The following PARVG variants were observed in gnomAD, a reference collection of about 807,000 sequenced individuals.
The protein encoded by PARVG is gamma-parvin.
PARVG carries 36 observed loss-of-function variants against 44.4 expected under a neutral mutation model. The observed-to-expected ratio is 0.81, with a 90% CI of 0.62 to 1.07. PARVG has a LOEUF of 1.07. PARVG is among the 50% of genes least tolerant of loss of function. The pLI is 0.00. For synonymous variants in PARVG, 170 were observed against 174.1 expected, an observed-to-expected ratio of 0.98 and a Z score of 0.19; for missense variants, 407 against 407.4, an observed-to-expected ratio of 1.00 and a Z score of 0.01.
chr22:44,194,568 T>TATCCATCCCTCCATCC (rs2054592179), intron 9 of PARVG, among the ~76,000 whole-genome samples: 1 of 148,468 alleles, frequency 6.7e-6, no homozygotes, highest in African/African-American at 2.5e-5. Context: ...CCCATCCATT[T>TATCCATCCCTCCATCC]ATCCATCCCT....
chr22:44,203,114 G>A (rs1260229181), intron 12 of PARVG, among the ~76,000 whole-genome samples: 1 of 152,232 alleles, frequency 6.6e-6, no homozygotes, highest in Non-Finnish European at 1.5e-5. Context: ...GAGTGTCATT[G>A]AGGAAGAGTG....
intron 3 of PARVG, 58 bp from the exon 4 acceptor site, chr22:44,185,750 G>C: frequency 6.8e-7 from 1 of 1,465,120 alleles, no homozygotes; most frequent in Non-Finnish European, 9.5e-7. Context: ...CCTGCAGGGA[G>C]TGTGGCCAAG....
chr22:44,202,867 C>T (rs2054728322), intron 12 of PARVG, among the ~76,000 whole-genome samples: 1 of 152,190 alleles, frequency 6.6e-6, no homozygotes, highest in South Asian at 2.1e-4. Flanking sequence ...TCATTCGCTC[C>T]CAGAAATAAA....
chr22:44,205,488 C>T (rs528641026), intron 12 of PARVG, among the ~76,000 whole-genome samples: 6 of 152,352 alleles, frequency 3.9e-5, no homozygotes, highest in South Asian at 4.1e-4. Flanking sequence ...TGGACGCAAG[C>T]GTGTGCCCAG....
intron 1 of PARVG, among the ~76,000 whole-genome samples, chr22:44,174,562 A>C (rs6006690): frequency 0.031 from 4,731 of 150,962 alleles, 105 homozygotes; most frequent in Middle Eastern, 0.037. Flanking sequence ...AACAAACAAA[A>C]AAAAAAACCC....
rs769058495 is a variant in PARVG at position 44,206,366 on chromosome 22, G to C, written c.936G>C (p.Leu312=). 8 of 1,613,940 alleles carry C rather than the reference G, an allele frequency of 5.0e-6. No individual in the cohort carries two copies. The East Asian group carries it at 6.7e-5, about 13-fold the overall frequency. The change falls in exon 14 of 14, where the codon CTG becomes CTC. Residue 312 remains leucine (L), a synonymous_variant. Coordinates refer to ENST00000444313, the MANE Select transcript of PARVG (RefSeq NM_022141.7). ...AKSTLRVLYG[L]FCKHTQKAHR... ...GCACACTGAGGGTGCTCTATGGTCT[G>C]TTCTGCAAGCACACGCAGAAGGCAC...
intron 8 of PARVG, among the ~76,000 whole-genome samples, chr22:44,192,611 C>G (rs954181195): frequency 6.8e-6 from 1 of 147,944 alleles, no homozygotes; most frequent in East Asian, 2.0e-4. Flanking sequence ...CTGTTCCCTG[C>G]CCTCTGGGGA....
Position 44,190,673 on chromosome 22 carries a change from G to GC in PARVG, c.504+9dup, listed in dbSNP as rs772036237. On this transcript the variant is annotated splice_region_variant and intron_variant, in intron 7 of 13. Transcript: ENST00000444313. ...GGAGGTCATCACTATCGAGGTAGCA[G>GC]CCTGGGCCCCAGGGATTTGTAAGCA... 33 of 1,600,490 alleles carry GC rather than the reference G, an allele frequency of 2.1e-5. No homozygotes were observed. Among genetic ancestry groups the GC allele is most frequent in the Non-Finnish European group, 2.7e-5 (32 of 1,167,536 alleles).
chr22:44,204,214 T>C (rs2054748795), intron 12 of PARVG, among the ~76,000 whole-genome samples: 1 of 152,118 alleles, frequency 6.6e-6, no homozygotes, highest in Non-Finnish European at 1.5e-5. Flanking sequence ...GCCCATACAC[T>C]CCTTTCCATC....
chr22:44,175,433 C>T lies in PARVG; in HGVS notation c.-189+2242C>T, dbSNP rs150000007. Among the ~76,000 whole-genome samples, 601 of 152,378 alleles carry T rather than the reference C, an allele frequency of 3.9e-3. 4 individuals are homozygous for T. Among genetic ancestry groups the T allele is most frequent in the African/African-American group, 0.013 (550 of 41,602 alleles). On this transcript the variant is annotated intron_variant, in intron 1 of 13. Coordinates refer to the PARVG transcript ENST00000422871. ...CAGGAATCCCCGGCCACCGCAGGGACGGGCATCTCTGTTCCTTCCGCAAGG... is the reference window on the plus strand; with the variant it reads ...CAGGAATCCCCGGCCACCGCAGGGATGGGCATCTCTGTTCCTTCCGCAAGG...
Position 44,183,651 on chromosome 22 carries a change from C to T in PARVG, c.79+243C>T, listed in dbSNP as rs1451229261. 5.4e-5 allele frequency: 25 copies of T among 467,166 alleles called. No homozygotes were observed. In the East Asian group the frequency reaches 8.8e-4, roughly 16 times the overall value. The allele number at this position is 467,166 out of a possible 1,614,324, so 28.9% of individuals were successfully genotyped here. ...GGATTACGATGGTGAATACTGATTG[C>T]TCTCATCCTGTGAGCCTTCTGAGTG... is the stretch of plus-strand genomic sequence containing the variant. On this transcript the variant is annotated intron_variant, in intron 3 of 13. Coordinates refer to ENST00000444313, the MANE Select transcript of PARVG (RefSeq NM_022141.7).
chr22:44,181,354 T>G (rs2054373296), intron 1 of PARVG, 169 bp downstream of exon 1: 1 of 985,436 alleles, frequency 1.0e-6, no homozygotes, highest in Non-Finnish European at 1.2e-6. Flanking sequence ...TGGGGAAGTC[T>G]GCAGCCGAGA....
chr22:44,192,170 G>A, intron 8 of PARVG, 66 bp downstream of exon 8: 2 of 1,565,000 alleles, frequency 1.3e-6, no homozygotes, highest in Non-Finnish European at 1.7e-6. Flanking sequence ...GGCAGGGTGG[G>A]GGCCAGGGCA....
At chr22:44,184,501 G>C (rs939860646) in intron 3 of PARVG, 1 of 152,140 alleles carries the variant, frequency 6.6e-6, no homozygotes, top group Admixed American at 6.5e-5. Flanking sequence ...ACCACACCTG[G>C]CTAATTTTTG....
At chr22:44,173,153 G>C in exon 1 of PARVG, 1 of 1,284,150 alleles carries the variant, frequency 7.8e-7, no homozygotes, top group Non-Finnish European at 1.0e-6. Flanking sequence ...CTTCTGCTGG[G>C]ACCACAAGGA....
chr22:44,205,439 T>A (rs529300112), intron 12 of PARVG, among the ~76,000 whole-genome samples: 67 of 152,338 alleles, frequency 4.4e-4, no homozygotes, highest in African/African-American at 1.6e-3. Flanking sequence ...CTATTGGGTA[T>A]CCTCCTTGGC....
chr22:44,173,206 C>T (rs1382180578), intron 1 of PARVG: 2 of 1,232,846 alleles, frequency 1.6e-6, no homozygotes, highest in Admixed American at 5.6e-5. Flanking sequence ...GTAATAAAGG[C>T]TCATCTGCCC....
chr22:44,206,388 G>T lies in PARVG; in HGVS notation c.958G>T (p.Ala320Ser), dbSNP rs2054782053. ...YGLFCKHTQK[A>S]HRDRTPHGAP... ...TCTGTTCTGCAAGCACACGCAGAAG[G>T]CACACAGGGACAGGACGCCCCATGG... Residue 320 changes from alanine (A) to serine (S), a missense_variant, in exon 14 of 14, where the codon GCA (alanine) becomes TCA (serine). Coordinates refer to ENST00000444313, the MANE Select transcript of PARVG (RefSeq NM_022141.7). 1.2e-6 allele frequency: 2 copies of T among 1,613,926 alleles called. No individual in the cohort carries two copies. Among genetic ancestry groups the T allele is most frequent in the African/African-American group, 2.7e-5 (2 of 74,894 alleles).
chr22:44,200,757 A>G (rs2054696345), intron 12 of PARVG, among the ~76,000 whole-genome samples: 1 of 152,150 alleles, frequency 6.6e-6, no homozygotes, highest in Non-Finnish European at 1.5e-5. Flanking sequence ...TCCCTTTCAC[A>G]TGCTCAGGGC....
Sources: allele counts gnomAD v4.1 joint callset (sites outside exome capture counted in the v4.1 genomes callset), GRCh38; gene constraint gnomAD v4.1.1; transcripts MANE v1.5; gene names NCBI Gene and HGNC (gene_info 2026-07-23, HGNC 2026-07-21).